The following WWOX variants were observed in gnomAD, a reference collection of about 807,000 sequenced individuals.
The protein encoded by WWOX is WW domain-containing oxidoreductase.
In WWOX, 69 loss-of-function variants were observed where a neutral mutation model predicts 46.2. The observed-to-expected ratio is 1.49, with a 90% CI of 1.23 to 1.82. WWOX has a LOEUF of 1.82. Among genes scored for constraint, WWOX ranks in the 40% most tolerant of loss-of-function variants. The pLI is 0.00. For synonymous variants in WWOX, 359 were observed against 202.6 expected (o/e 1.77, Z -6.56); for missense variants, 919 against 542.6 (o/e 1.69, Z -6.89).
chr16:78,153,368 T>C (rs923312903), intron 4 of WWOX, among the ~76,000 whole-genome samples: 6 of 152,184 alleles, frequency 3.9e-5, no homozygotes, highest in African/African-American at 1.4e-4. Flanking sequence ...AAGTATGGTC[T>C]TCCTACTTTT....
intron 8 of WWOX, among the ~76,000 whole-genome samples, chr16:79,019,341 C>G (rs1429128279): frequency 1.3e-5 from 2 of 152,040 alleles, no homozygotes; most frequent in South Asian, 2.1e-4. Flanking sequence ...TACACACACA[C>G]TTAGGCTGTA....
At chr16:78,667,416 T>G (rs1245504315) in intron 8 of WWOX, among the ~76,000 whole-genome samples, 1 of 152,004 alleles carries the variant, frequency 6.6e-6, no homozygotes, top group East Asian at 1.9e-4. Context: ...CACGCCTGTA[T>G]TCCCAACACT....
intron 8 of WWOX, among the ~76,000 whole-genome samples, chr16:78,920,957 C>T (rs2045364476): frequency 6.6e-6 from 1 of 152,160 alleles, no homozygotes; most frequent in Non-Finnish European, 1.5e-5. Flanking sequence ...TGGTACTTTT[C>T]TGCAAATACC....
At chr16:78,103,970 A>G (rs926152682) in intron 1 of WWOX, among the ~76,000 whole-genome samples, 4 of 152,048 alleles carry the variant, frequency 2.6e-5, no homozygotes, top group Admixed American at 6.5e-5. Flanking sequence ...GGTGAGGTCG[A>G]GGTAGACCGG....
chr16:78,733,186 A>T (rs2049006145), intron 8 of WWOX, among the ~76,000 whole-genome samples: 1 of 152,256 alleles, frequency 6.6e-6, no homozygotes, highest in South Asian at 2.1e-4. Flanking sequence ...AAGATTCTAT[A>T]ATACTAAAGT....
chr16:79,073,962 G>A (rs560713544), intron 8 of WWOX, among the ~76,000 whole-genome samples: 1 of 151,474 alleles, frequency 6.6e-6, no homozygotes, highest in Non-Finnish European at 1.5e-5. Context: ...TCTTCTGGAG[G>A]AGGGTACCCT....
intron 5 of WWOX, among the ~76,000 whole-genome samples, chr16:78,359,150 C>G (rs1345976123): frequency 6.6e-6 from 1 of 152,112 alleles, no homozygotes; most frequent in Non-Finnish European, 1.5e-5. Flanking sequence ...CTGTACCTTC[C>G]TATACCTTCA....
chr16:78,411,738 G>A (rs1330680712), intron 6 of WWOX, among the ~76,000 whole-genome samples: 1 of 152,176 alleles, frequency 6.6e-6, no homozygotes, highest in African/African-American at 2.4e-5. Context: ...ACAAGACCAG[G>A]TGTGGGCTAT....
At chr16:78,630,916 A>G (rs564467312) in intron 8 of WWOX, among the ~76,000 whole-genome samples, 1 of 152,190 alleles carries the variant, frequency 6.6e-6, no homozygotes, top group African/African-American at 2.4e-5. Context: ...GATTTAACTA[A>G]TGACAGATTA....
At chr16:78,661,233 C>T (rs981443423) in intron 8 of WWOX, among the ~76,000 whole-genome samples, 6 of 152,124 alleles carry the variant, frequency 3.9e-5, no homozygotes, top group African/African-American at 1.4e-4. Context: ...TGTGGCCCCC[C>T]AGAAATTATC....
At chr16:78,526,822 G>T (rs538664845) in intron 8 of WWOX, among the ~76,000 whole-genome samples, 9 of 152,278 alleles carry the variant, frequency 5.9e-5, no homozygotes, top group Admixed American at 2.0e-4. Context: ...GTGATCTTGA[G>T]GGGGGTCTGG....
intron 8 of WWOX, among the ~76,000 whole-genome samples, chr16:78,455,643 CAAAAAAAAAA>C (rs57754374): frequency 2.3e-4 from 14 of 60,514 alleles, no homozygotes; most frequent in African/African-American, 6.4e-4. Flanking sequence ...GACTCTGTCT[CAAAAAAAAAA>C]AAAAAAAAAA....
intron 5 of WWOX, among the ~76,000 whole-genome samples, chr16:78,296,644 A>C (rs2079948065): frequency 6.6e-6 from 1 of 151,956 alleles, no homozygotes; most frequent in South Asian, 2.1e-4. Context: ...TTTGTAATGC[A>C]AAAAAATAAA....
Position 78,417,595 on chromosome 16 carries a change from C to G in WWOX, c.606-7275C>G, listed in dbSNP as rs138430025. Among the ~76,000 whole-genome samples the G allele has an allele frequency of 2.9e-3, 441 of 152,320 alleles. 1 individual carries two copies. Among genetic ancestry groups the G allele is most frequent in the Middle Eastern group, 6.8e-3 (2 of 292 alleles). On this transcript the variant is annotated intron_variant, in intron 6 of 8. Coordinates refer to ENST00000566780, the MANE Select transcript of WWOX (RefSeq NM_016373.4). ...ACCTGAAAGGAGTTCAAATGTAAGTCTCTCTTCACTTTGCCCATCTTTCCC... is the reference window on the plus strand; with the variant it reads ...ACCTGAAAGGAGTTCAAATGTAAGTGTCTCTTCACTTTGCCCATCTTTCCC...
At chr16:78,587,135 C>T (rs12598076) in intron 8 of WWOX, among the ~76,000 whole-genome samples, 10 of 151,426 alleles carry the variant, frequency 6.6e-5, no homozygotes, top group African/African-American at 2.4e-4. Flanking sequence ...AACCTATCCT[C>T]TTACCTCAGC....
At chr16:78,825,867 C>G in intron 8 of WWOX, 3 of 658,634 alleles carry the variant, frequency 4.6e-6, no homozygotes, top group Non-Finnish European at 8.3e-6. Flanking sequence ...GCTGGTAAGA[C>G]TGGCCCTAAG....
At chr16:78,243,089 C>T (rs2037710273) in intron 5 of WWOX, among the ~76,000 whole-genome samples, 2 of 152,152 alleles carry the variant, frequency 1.3e-5, no homozygotes, top group African/African-American at 4.8e-5. Context: ...CAGGTCCATT[C>T]TTCCACTGTC....
chr16:79,042,722 C>G (rs966123967), intron 8 of WWOX, among the ~76,000 whole-genome samples: 2 of 107,004 alleles, frequency 1.9e-5, no homozygotes, highest in African/African-American at 4.0e-5. Context: ...CAGATGAATA[C>G]TCAGGGTTTT....
chr16:79,190,203 T>G (rs1287242823), intron 8 of WWOX, among the ~76,000 whole-genome samples: 1 of 152,040 alleles, frequency 6.6e-6, no homozygotes, highest in Non-Finnish European at 1.5e-5. Context: ...TTTTGTATTT[T>G]TAGTAAAGAC....
Sources: gnomAD v4.1 joint callset for allele counts (sites outside exome capture counted in the v4.1 genomes callset) on GRCh38, gnomAD v4.1.1 for gene constraint, MANE v1.5 for transcripts, NCBI Gene and HGNC (gene_info 2026-07-23, HGNC 2026-07-21) for gene names.